The following PLCG2 variants were observed in gnomAD, a reference collection of about 807,000 sequenced individuals.
The protein encoded by PLCG2 is phospholipase C gamma 2.
PLCG2 carries 69 observed loss-of-function variants against 175.6 expected under a neutral mutation model. The observed-to-expected ratio is 0.39, with a 90% confidence interval of 0.32 to 0.48. The LOEUF is 0.48. PLCG2 is among the 20% of genes least tolerant of loss of function. PLCG2 has a pLI of 0.91. For synonymous variants in PLCG2, 827 were observed against 624.0 expected, an observed-to-expected ratio of 1.33 and a Z score of -4.85; for missense variants, 1,798 against 1,650.9, an observed-to-expected ratio of 1.09 and a Z score of -1.54.
intron 32 of PLCG2, 55 bp from the exon 33 acceptor site, chr16:81,957,901 C>T: frequency 6.9e-7 from 1 of 1,456,166 alleles, no homozygotes; most frequent in South Asian, 1.1e-5. Flanking sequence ...CAGAGTTCAG[C>T]ACGCAGCCCA....
upstream of PLCG2, among the ~76,000 whole-genome samples, chr16:81,776,859 A>G (rs938153391): frequency 1.3e-5 from 2 of 152,148 alleles, no homozygotes; most frequent in East Asian, 3.8e-4. Flanking sequence ...CTGGCAGATT[A>G]TTTTTATTTT....
intron 2 of PLCG2, among the ~76,000 whole-genome samples, chr16:81,765,291 C>G (rs984587659): frequency 1.3e-5 from 2 of 152,238 alleles, no homozygotes; most frequent in East Asian, 1.9e-4. Context: ...CCACCCAAAG[C>G]TTGGAGAGAG....
At chr16:81,806,940 G>C (rs1007987445) in intron 2 of PLCG2, among the ~76,000 whole-genome samples, 4 of 152,104 alleles carry the variant, frequency 2.6e-5, no homozygotes, top group Admixed American at 6.5e-5. Context: ...GGCCTCCATA[G>C]CACTCAAGCT....
At chr16:81,932,738 G>T (rs1054152715) in intron 25 of PLCG2, among the ~76,000 whole-genome samples, 3 of 152,222 alleles carry the variant, frequency 2.0e-5, no homozygotes, top group Non-Finnish European at 4.4e-5. Flanking sequence ...TGGTCCATGG[G>T]TGCCCTCGCT....
chr16:81,769,472 C>T (rs569808017), intron 2 of PLCG2, among the ~76,000 whole-genome samples: 19 of 152,286 alleles, frequency 1.2e-4, no homozygotes, highest in African/African-American at 4.6e-4. Context: ...TAAGGCCCCC[C>T]AGGAGAGGTG....
chr16:81,813,459 T>A (rs1177744210), intron 2 of PLCG2, among the ~76,000 whole-genome samples: 1 of 152,232 alleles, frequency 6.6e-6, no homozygotes, highest in Non-Finnish European at 1.5e-5. Context: ...CACTCATGAT[T>A]TAGCTCTGTG....
At chr16:81,921,566 C>A in intron 21 of PLCG2, 1 of 419,876 alleles carries the variant, frequency 2.4e-6, no homozygotes, top group South Asian at 2.1e-5. Context: ...GTTTTTGGCT[C>A]GCTGACAGAG....
chr16:81,947,571 T>G (rs4312298), intron 31 of PLCG2, among the ~76,000 whole-genome samples: 56,169 of 152,078 alleles, frequency 0.37, 13,074 homozygotes, highest in African/African-American at 0.66. Context: ...ACAGCCTCAA[T>G]GCAGACTTTT....
At chr16:81,838,850 T>A (rs1169603060) in intron 2 of PLCG2, among the ~76,000 whole-genome samples, 2 of 151,304 alleles carry the variant, frequency 1.3e-5, no homozygotes, top group African/African-American at 4.9e-5. Flanking sequence ...ATGGTGCATG[T>A]AAGGCTCAAG....
At chr16:81,858,442 A>T in intron 4 of PLCG2, 86 bp downstream of exon 4, 1 of 372,514 alleles carries the variant, frequency 2.7e-6, no homozygotes, top group Non-Finnish European at 4.8e-6. Flanking sequence ...AGGGGGGAAA[A>T]AAAAAAAAAG....
At chr16:81,763,617 G>C (rs1910084668) in intron 2 of PLCG2, among the ~76,000 whole-genome samples, 1 of 152,220 alleles carries the variant, frequency 6.6e-6, no homozygotes, top group Non-Finnish European at 1.5e-5. Flanking sequence ...CTCAAGCCAG[G>C]CAGAAGCTGT....
chr16:81,884,039 C>T (rs542238227), intron 9 of PLCG2, among the ~76,000 whole-genome samples: 1 of 152,172 alleles, frequency 6.6e-6, no homozygotes, highest in Non-Finnish European at 1.5e-5. Flanking sequence ...CAGGGCAGCC[C>T]CCCCTACCCC....
intron 1 of PLCG2, among the ~76,000 whole-genome samples, chr16:81,745,197 G>C (rs1006234656): frequency 6.6e-6 from 1 of 152,080 alleles, no homozygotes; most frequent in East Asian, 1.9e-4. Context: ...AATCTTAATC[G>C]GTCTAAGCCA....
At chr16:81,764,153 G>C (rs973508823) in intron 2 of PLCG2, among the ~76,000 whole-genome samples, 2 of 151,852 alleles carry the variant, frequency 1.3e-5, no homozygotes, top group Admixed American at 1.3e-4. Context: ...AATTAGCCAG[G>C]TGTGATGGTG....
intron 26 of PLCG2, 73 bp from the exon 27 acceptor site, chr16:81,936,096 C>A (rs946279593): frequency 1.3e-6 from 2 of 1,575,228 alleles, no homozygotes; most frequent in Admixed American, 3.6e-5. Flanking sequence ...GAGCATCCAG[C>A]CATTGCAGCA....
At chr16:81,854,983 G>T (rs1906609023) in intron 3 of PLCG2, among the ~76,000 whole-genome samples, 1 of 152,064 alleles carries the variant, frequency 6.6e-6, no homozygotes, top group African/African-American at 2.4e-5. Flanking sequence ...CCTGAGGCGG[G>T]CAGATCACTT....
Position 81,860,845 on chromosome 16 carries a change from C to T in PLCG2, c.479+1682C>T, listed in dbSNP as rs541047967. Among the ~76,000 whole-genome samples the T allele has an allele frequency of 2.2e-4, 33 of 152,194 alleles. 1 individual carries two copies. Among genetic ancestry groups the T allele is most frequent in the African/African-American group, 7.2e-4 (30 of 41,514 alleles). ...AATTAGCCAGGCATGGTAGCACGCT[C>T]CTGTAGTCCCAGCTACTCAGCCTCA... is the stretch of plus-strand genomic sequence containing the variant. On this transcript the variant is annotated intron_variant, in intron 5 of 32. Coordinates refer to ENST00000564138, the MANE Select transcript of PLCG2 (RefSeq NM_002661.5).
chr16:81,789,315 G>C (rs1030852237), intron 2 of PLCG2, among the ~76,000 whole-genome samples: 1 of 152,192 alleles, frequency 6.6e-6, no homozygotes, highest in Admixed American at 6.5e-5. Flanking sequence ...TTTAGAGACA[G>C]GGTCTTGCTC....
At chr16:81,804,268 A>T (rs555588521) in intron 2 of PLCG2, among the ~76,000 whole-genome samples, 97 of 152,256 alleles carry the variant, frequency 6.4e-4, no homozygotes, top group African/African-American at 2.0e-3. Flanking sequence ...GTGTTATGTC[A>T]TTGTGGTTCT....
Sources: allele counts gnomAD v4.1 joint callset (sites outside exome capture counted in the v4.1 genomes callset), GRCh38; gene constraint gnomAD v4.1.1; transcripts MANE v1.5; gene names NCBI Gene and HGNC (gene_info 2026-07-23, HGNC 2026-07-21).